Variants in ZNRF3 observed in about 807,000 individuals in gnomAD.
The protein encoded by ZNRF3 is zinc and ring finger 3, also known as E3 ubiquitin-protein ligase ZNRF3.
A neutral mutation model predicts 72.5 loss-of-function variants in ZNRF3; 23 were observed. The observed-to-expected ratio is 0.32, with a 90% confidence interval of 0.23 to 0.45. The LOEUF is 0.45. Among genes scored for constraint, ZNRF3 ranks in the 20% least tolerant of loss-of-function variants. ZNRF3 has a pLI of 1.00. For missense variants in ZNRF3, 1,169 were observed against 1,272.1 expected (o/e 0.92, Z 1.23); for synonymous variants, 610 against 545.3 (o/e 1.12, Z -1.65).
intron 6 of ZNRF3, among the ~76,000 whole-genome samples, chr22:29,047,322 A>C (rs1332395410): frequency 6.6e-6 from 1 of 152,234 alleles, no homozygotes; most frequent in Non-Finnish European, 1.5e-5. Context: ...GGGGCCTAGA[A>C]TCATCCATGA....
In ZNRF3 at chr22:28,955,038, T is replaced by TG. The variant is rs970150364; in HGVS notation, c.301-32038_301-32037insG. 8.0e-4 allele frequency among the ~76,000 whole-genome samples: 120 copies of TG among 149,684 alleles called. 1 individual carries two copies. The highest frequency in any genetic ancestry group is 1.3e-3 in the African/African-American group (54 of 40,370). On this transcript the variant is annotated intron_variant, in intron 1 of 8. Coordinates refer to ENST00000544604, the MANE Select transcript of ZNRF3 (RefSeq NM_001206998.2). ...GGAAAATGGTATTTTTGGTGTTTTT[T>TG]TTTTTTTGTTTTTTTTTTTTGAGAC...
intron 2 of ZNRF3, among the ~76,000 whole-genome samples, chr22:28,996,055 C>T (rs1451043623): frequency 3.9e-5 from 6 of 152,178 alleles, no homozygotes; most frequent in African/African-American, 1.4e-4. Context: ...GGATTACAGG[C>T]GTGAGCCACT....
At chr22:29,044,671 A>C (rs2123882783) in intron 4 of ZNRF3, 109 bp from the exon 5 acceptor site, 9 of 755,840 alleles carry the variant, frequency 1.2e-5, no homozygotes, top group Non-Finnish European at 1.7e-5. Context: ...ATTGAGGGGA[A>C]ACTCATCCCG....
intron 1 of ZNRF3, among the ~76,000 whole-genome samples, chr22:28,900,233 G>A (rs1025354710): frequency 4.6e-5 from 7 of 152,130 alleles, no homozygotes; most frequent in Non-Finnish European, 8.8e-5. Flanking sequence ...CTTATACCAA[G>A]ATGGGGTTTC....
intron 1 of ZNRF3, among the ~76,000 whole-genome samples, chr22:28,932,557 C>T (rs2034726224): frequency 6.6e-6 from 1 of 152,226 alleles, no homozygotes; most frequent in Admixed American, 6.5e-5. Context: ...TCCTTGTGAT[C>T]TATCACCATG....
rs568896301 is a variant in ZNRF3 at position 28,966,930 on chromosome 22, A to C, written c.301-20146A>C. ...TCTGTTGCCCAGGCTGGAGTGCAGT[A>C]GTGCAGTGGCATAATCTCGGCTCAC... On this transcript the variant is annotated intron_variant, in intron 1 of 8. Transcript: ENST00000544604. Among the ~76,000 whole-genome samples, 22 of 128,784 alleles carry C rather than the reference A, an allele frequency of 1.7e-4. 1 individual carries two copies. Among genetic ancestry groups the C allele is most frequent in the African/African-American group, 6.2e-4 (20 of 32,070 alleles). 84.5% of individuals were successfully genotyped at this position (128,784 alleles called of 152,430 possible).
chr22:29,050,990 A>T, intron 8 of ZNRF3, 42 bp downstream of exon 8: 2 of 1,492,410 alleles, frequency 1.3e-6, no homozygotes, highest in Non-Finnish European at 1.8e-6. Flanking sequence ...AGGAGTTTCC[A>T]TCAGGGTCGT....
intron 1 of ZNRF3, among the ~76,000 whole-genome samples, chr22:28,933,418 TTAA>T (rs2034748833): frequency 6.6e-6 from 1 of 152,222 alleles, no homozygotes. Context: ...GCCCATTGCA[TTAA>T]TGTTTGAGTC....
At chr22:28,955,849 G>T (rs938814551) in intron 1 of ZNRF3, among the ~76,000 whole-genome samples, 11 of 152,004 alleles carry the variant, frequency 7.2e-5, no homozygotes, top group African/African-American at 2.7e-4. Context: ...AACCCAGGAG[G>T]TCCGGGCTGC....
chr22:28,905,157 G>A (rs1307525970), intron 1 of ZNRF3, among the ~76,000 whole-genome samples: 5 of 151,882 alleles, frequency 3.3e-5, no homozygotes, highest in African/African-American at 1.2e-4. Flanking sequence ...GGTTGATCTC[G>A]AATTCCTGGG....
intron 1 of ZNRF3, among the ~76,000 whole-genome samples, chr22:28,982,481 G>A (rs1008749917): frequency 7.5e-5 from 11 of 147,594 alleles, no homozygotes; most frequent in African/African-American, 2.5e-4. Flanking sequence ...TGGCAAGATT[G>A]CTTGAGCCTA....
At chr22:28,926,742 T>C (rs1000318166) in intron 1 of ZNRF3, among the ~76,000 whole-genome samples, 1 of 143,036 alleles carries the variant, frequency 7.0e-6, no homozygotes, top group African/African-American at 2.6e-5. Context: ...GAGGTTACAG[T>C]GAGCCAAGAT....
intron 1 of ZNRF3, among the ~76,000 whole-genome samples, chr22:28,938,193 GC>G (rs375013613): frequency 1.7e-3 from 253 of 151,634 alleles, no homozygotes; most frequent in Middle Eastern, 6.9e-3. Context: ...ATGTAATTAT[GC>G]ACACACACCC....
intron 1 of ZNRF3, among the ~76,000 whole-genome samples, chr22:28,982,778 C>T (rs779569492): frequency 1.3e-5 from 2 of 152,146 alleles, no homozygotes; most frequent in Non-Finnish European, 1.5e-5. Flanking sequence ...ATCTCCTGAG[C>T]TCGTAACTTG....
intron 1 of ZNRF3, among the ~76,000 whole-genome samples, chr22:28,961,969 C>A: frequency 6.6e-6 from 1 of 152,300 alleles, no homozygotes; most frequent in Middle Eastern, 3.4e-3. Flanking sequence ...CTTCTTGATT[C>A]AAGCTGGTCC....
At chr22:28,900,310 G>A (rs537828174) in intron 1 of ZNRF3, among the ~76,000 whole-genome samples, 1 of 152,340 alleles carries the variant, frequency 6.6e-6, no homozygotes, top group African/African-American at 2.4e-5. Flanking sequence ...TAAGTGGGAT[G>A]TTAGGGTGCC....
At chr22:28,894,532 T>C (rs576876907) in intron 1 of ZNRF3, among the ~76,000 whole-genome samples, 1 of 152,268 alleles carries the variant, frequency 6.6e-6, no homozygotes, top group East Asian at 1.9e-4. Context: ...CTCAGAGGCC[T>C]CACGGTGGGG....
intron 1 of ZNRF3, among the ~76,000 whole-genome samples, chr22:28,904,917 A>T (rs1315858351): frequency 2.0e-5 from 3 of 149,166 alleles, no homozygotes; most frequent in African/African-American, 7.4e-5. Flanking sequence ...TATCATGCAG[A>T]CCTGGGCATT....
chr22:29,053,896 G>A lies in ZNRF3; in HGVS notation c.*274G>A, dbSNP rs1008772784. On this transcript the variant is annotated 3_prime_UTR_variant, in exon 9 of 9. Transcript: ENST00000544604. Reference sequence around the variant, plus strand: ...GTAAAGTGTGTGTGCTTGGGGTTCCGAGGTGTGGGATTGAGTTCTCTGCTT... The same window carrying A: ...GTAAAGTGTGTGTGCTTGGGGTTCCAAGGTGTGGGATTGAGTTCTCTGCTT... 1.7e-5 allele frequency: 5 copies of A among 300,816 alleles called. 1 individual carries two copies. In the South Asian group the frequency reaches 3.7e-4, roughly 22 times the overall value. 18.6% of individuals were successfully genotyped at this position (300,816 alleles called of 1,614,324 possible). A position where few individuals can be genotyped will look rare whatever the true frequency, so the allele number is the denominator to read the frequency against.
Sources: allele counts gnomAD v4.1 joint callset (sites outside exome capture counted in the v4.1 genomes callset), GRCh38; gene constraint gnomAD v4.1.1; transcripts MANE v1.5; gene names NCBI Gene and HGNC (gene_info 2026-07-23, HGNC 2026-07-21).